ARID1B: variants seen among roughly 807,000 people sequenced by gnomAD.
ARID1B encodes AT-rich interactive domain-containing protein 1B.
ARID1B carries 30 observed loss-of-function variants against 212.3 expected under a neutral mutation model. The observed-to-expected ratio is 0.14, with a 90% CI of 0.11 to 0.19. The LOEUF (loss-of-function observed/expected upper bound fraction) is 0.19, where lower values mean the gene tolerates loss of function less well. ARID1B is among the 10% of genes least tolerant of loss of function. The pLI is 1.00. For missense variants in ARID1B, 2,891 were observed against 3,204.0 expected (o/e 0.90, Z 2.36); for synonymous variants, 1,402 against 1,301.7 (o/e 1.08, Z -1.66).
chr6:156,938,246 T>A (rs1265827310), intron 4 of ARID1B: 1 of 152,210 alleles, frequency 6.6e-6, no homozygotes, highest in Non-Finnish European at 1.5e-5. Context: ...TTTCAGGGAA[T>A]GATTTGTTGA....
At position 156,807,720 on chromosome 6, in the gene ARID1B, G is replaced by A. The variant is rs571901585; in HGVS notation, c.1792-21507G>A. On this transcript the variant is annotated intron_variant, in intron 1 of 19. Coordinates refer to ENST00000636930, the MANE Select transcript of ARID1B (RefSeq NM_001374828.1). ...TTCTCTGACCTTTTCCTTACAGAAA[G>A]TTCCTTGGATCACACCACAGTGGTT... Among the ~76,000 whole-genome samples, 55 of 152,292 alleles carry A rather than the reference G, an allele frequency of 3.6e-4. No individual in the cohort carries two copies. The South Asian group carries it at 7.0e-3, about 20-fold the overall frequency.
At chr6:156,892,720 TTC>T (rs1788036599) in intron 2 of ARID1B, among the ~76,000 whole-genome samples, 1 of 152,314 alleles carries the variant, frequency 6.6e-6, no homozygotes, top group South Asian at 2.1e-4. Flanking sequence ...TTGTTATGAT[TTC>T]TGTCACAATA....
chr6:157,053,146 C>T (rs563659953), intron 4 of ARID1B, among the ~76,000 whole-genome samples: 3 of 152,112 alleles, frequency 2.0e-5, no homozygotes, highest in East Asian at 3.9e-4. Flanking sequence ...AGTGCAGTGG[C>T]ATGATCTCGG....
chr6:157,154,569 T>G (rs184793964), intron 8 of ARID1B, among the ~76,000 whole-genome samples: 2,979 of 120,466 alleles, frequency 0.025, 103 homozygotes, highest in African/African-American at 0.1. Flanking sequence ...TGCTCTTCTG[T>G]TTTTTTTTTT....
At chr6:157,037,865 GC>G (rs1781431268) in intron 4 of ARID1B, among the ~76,000 whole-genome samples, 1 of 152,182 alleles carries the variant, frequency 6.6e-6, no homozygotes, top group African/African-American at 2.4e-5. Context: ...AGGGTCTGGT[GC>G]CTGCTGGGGT....
chr6:156,921,422 T>C (rs1790774470), intron 3 of ARID1B, among the ~76,000 whole-genome samples: 1 of 147,832 alleles, frequency 6.8e-6, no homozygotes, highest in African/African-American at 2.5e-5. Context: ...TCTACAGTAA[T>C]AGCACTTGAT....
chr6:157,095,652 T>A (rs1785566966), intron 5 of ARID1B, among the ~76,000 whole-genome samples: 1 of 152,180 alleles, frequency 6.6e-6, no homozygotes, highest in South Asian at 2.1e-4. Flanking sequence ...GTGCTGAGGT[T>A]TTTTCCCCTG....
Position 157,148,511 on chromosome 6 carries a change from AC to A in ARID1B, c.2762-112del, listed in dbSNP as rs992264559. The A allele has an allele frequency of 3.2e-5, 38 of 1,188,194 alleles. No individual in the cohort carries two copies. Among genetic ancestry groups the A allele is most frequent in the Middle Eastern group, 2.9e-4 (1 of 3,478 alleles). The allele number at this position is 1,188,194 out of a possible 1,614,324, so 73.6% of individuals were successfully genotyped here. A position where few individuals can be genotyped will look rare whatever the true frequency, so the allele number is the denominator to read the frequency against. ...CCAGCAGCAACAGGAAGGGCCTATAACGGTCATGACTAATACTCCGTGCTGA... is the reference window on the plus strand; with the variant it reads ...CCAGCAGCAACAGGAAGGGCCTATAAGGTCATGACTAATACTCCGTGCTGA... On this transcript the variant is annotated intron_variant, in intron 7 of 19. Transcript: ENST00000636930. The surrounding 1 kb of genome is among the most constrained non-coding windows in gnomAD (Gnocchi z 5.6).
At position 156,852,848 on chromosome 6, in the gene ARID1B, A is replaced by G. The variant is rs370840625; in HGVS notation, c.1986+23427A>G. Among the ~76,000 whole-genome samples, 3 of 152,320 alleles carry G rather than the reference A, an allele frequency of 2.0e-5. No homozygotes were observed. In the South Asian group the frequency reaches 6.2e-4, roughly 32 times the overall value. On this transcript the variant is annotated intron_variant, in intron 2 of 19. Coordinates refer to ENST00000636930, the MANE Select transcript of ARID1B (RefSeq NM_001374828.1). ...CTCGTTTCATGTTTAGTTTTGTTTT[A>G]TAACTTAATATTTCTTCCTCCTTCA...
At position 157,116,072 on chromosome 6, in the gene ARID1B, C is replaced by G. The variant is rs373295874; in HGVS notation, c.2581+5511C>G. Among the ~76,000 whole-genome samples, 11 of 152,230 alleles carry G rather than the reference C, an allele frequency of 7.2e-5. No homozygotes were observed. In the East Asian group the frequency reaches 1.9e-3, roughly 27 times the overall value. On this transcript the variant is annotated intron_variant, in intron 6 of 19. Transcript: ENST00000636930. ...TCCTTATTTCTTAATCTTTATATGTCTTGAAATTCAAAAAGAAAAATAGGA... is the reference window on the plus strand; with the variant it reads ...TCCTTATTTCTTAATCTTTATATGTGTTGAAATTCAAAAAGAAAAATAGGA...
chr6:157,145,654 A>G (rs1303621286), intron 7 of ARID1B, among the ~76,000 whole-genome samples: 2 of 152,210 alleles, frequency 1.3e-5, no homozygotes, highest in Non-Finnish European at 2.9e-5. Context: ...TTAGGGTAAC[A>G]TTGTTACATA....
intron 1 of ARID1B, among the ~76,000 whole-genome samples, chr6:156,817,130 A>AT (rs1379642481): frequency 1.3e-5 from 2 of 152,006 alleles, no homozygotes; most frequent in African/African-American, 4.8e-5. Context: ...TACACCTGTA[A>AT]TTCCAGCACT....
chr6:157,163,575 T>C (rs1003184401), intron 8 of ARID1B, among the ~76,000 whole-genome samples: 2 of 152,054 alleles, frequency 1.3e-5, no homozygotes, highest in Admixed American at 6.6e-5. Context: ...CACCCACTGC[T>C]CTGCCCTGGC....
intron 13 of ARID1B, chr6:157,185,901 T>G (rs1792942015): frequency 6.6e-6 from 1 of 152,268 alleles, no homozygotes. Flanking sequence ...TCCTTAAAGA[T>G]TCAAAGGCTT....
intron 2 of ARID1B, among the ~76,000 whole-genome samples, chr6:156,891,744 T>C (rs1031389347): frequency 2.0e-5 from 3 of 152,012 alleles, no homozygotes; most frequent in African/African-American, 4.8e-5. Context: ...TTTCCCCCCC[T>C]CAAACCAGTT....
At chr6:157,010,815 CTT>C (rs1046647281) in intron 4 of ARID1B, among the ~76,000 whole-genome samples, 6 of 150,800 alleles carry the variant, frequency 4.0e-5, no homozygotes, top group Non-Finnish European at 7.4e-5. Context: ...GGTGTGACCT[CTT>C]TTGTTTTTAG....
At chr6:157,067,651 T>C (rs1454601394) in intron 4 of ARID1B, among the ~76,000 whole-genome samples, 5 of 152,230 alleles carry the variant, frequency 3.3e-5, no homozygotes, top group African/African-American at 1.2e-4. Flanking sequence ...TGCCCGACAC[T>C]TTGTCTGCTT....
intron 4 of ARID1B, among the ~76,000 whole-genome samples, chr6:157,064,487 G>A (rs6941525): frequency 0.21 from 31,979 of 151,634 alleles, 3,639 homozygotes; most frequent in African/African-American, 0.24. Flanking sequence ...TGAGTGTATT[G>A]TTGTTCCCAG....
At chr6:157,122,548 A>G (rs1373503717) in intron 6 of ARID1B, among the ~76,000 whole-genome samples, 1 of 152,238 alleles carries the variant, frequency 6.6e-6, no homozygotes, top group East Asian at 1.9e-4. Flanking sequence ...TTCGCCTCTT[A>G]GCATGTGGTG....
Sources: allele counts gnomAD v4.1 joint callset (sites outside exome capture counted in the v4.1 genomes callset), GRCh38; gene constraint gnomAD v4.1.1; non-coding constraint Gnocchi (gnomAD v3.1); transcripts MANE v1.5; gene names NCBI Gene and HGNC (gene_info 2026-07-23, HGNC 2026-07-21).